The following ADGRL3 variants were observed in gnomAD, a reference collection of about 807,000 sequenced individuals.
ADGRL3 encodes adhesion G protein-coupled receptor L3.
In ADGRL3, 62 loss-of-function variants were observed where a neutral mutation model predicts 153.5. That is an observed-to-expected ratio of 0.40 (90% CI 0.33 to 0.50). The LOEUF is 0.50. ADGRL3 is among the 20% of genes least tolerant of loss of function. The probability of loss-of-function intolerance (pLI) is 0.47; values close to 1 mark genes in which losing one functional copy is unlikely to be tolerated. For missense variants in ADGRL3, 1,641 were observed against 1,859.4 expected, an observed-to-expected ratio of 0.88 and a Z score of 2.16; for synonymous variants, 710 against 672.5, an observed-to-expected ratio of 1.06 and a Z score of -0.86.
At chr4:61,587,508 G>A (rs2098951051) in intron 5 of ADGRL3, 68 bp downstream of exon 5, 1 of 1,150,872 alleles carries the variant, frequency 8.7e-7, no homozygotes, top group Admixed American at 2.1e-5. Context: ...TGTGTTACAT[G>A]TTAAGCATAA....
chr4:61,439,284 T>G (rs2606718), intron 2 of ADGRL3, among the ~76,000 whole-genome samples: 1 of 152,122 alleles, frequency 6.6e-6, no homozygotes, highest in Non-Finnish European at 1.5e-5. Context: ...GAAATTTTTA[T>G]AAGAGTAAAA....
chr4:61,283,342 C>T (rs2093798356), intron 1 of ADGRL3, among the ~76,000 whole-genome samples: 1 of 151,966 alleles, frequency 6.6e-6, no homozygotes, highest in African/African-American at 2.4e-5. Context: ...AACTTAGCAC[C>T]CACAAAAATT....
At chr4:61,883,064 C>T (rs1204886656) in intron 9 of ADGRL3, among the ~76,000 whole-genome samples, 2 of 152,058 alleles carry the variant, frequency 1.3e-5, no homozygotes, top group Non-Finnish European at 2.9e-5. Flanking sequence ...TGCAGTGAGC[C>T]GAGATTGTGC....
chr4:61,286,040 A>G (rs2093928531), intron 1 of ADGRL3, among the ~76,000 whole-genome samples: 1 of 151,424 alleles, frequency 6.6e-6, no homozygotes, highest in South Asian at 2.1e-4. Flanking sequence ...TCACTACAGA[A>G]AAGTGTTTCA....
chr4:61,922,410 C>T (rs979394936), intron 13 of ADGRL3, among the ~76,000 whole-genome samples: 2 of 152,114 alleles, frequency 1.3e-5, no homozygotes, highest in Non-Finnish European at 2.9e-5. Flanking sequence ...GAACAGCTTC[C>T]TCTATTGTTA....
intron 6 of ADGRL3, among the ~76,000 whole-genome samples, chr4:61,717,672 T>C (rs895594522): frequency 6.6e-6 from 1 of 152,222 alleles, no homozygotes; most frequent in African/African-American, 2.4e-5. Context: ...ATTATGCACT[T>C]ATTTAATTAT....
At chr4:62,009,260 T>C (rs2099173083) in intron 21 of ADGRL3, among the ~76,000 whole-genome samples, 1 of 152,152 alleles carries the variant, frequency 6.6e-6, no homozygotes, top group African/African-American at 2.4e-5. Context: ...TTTAAGAAAC[T>C]AAATAAATTA....
chr4:62,048,209 G>T (rs1732174621), intron 25 of ADGRL3, among the ~76,000 whole-genome samples: 1 of 151,606 alleles, frequency 6.6e-6, no homozygotes. Context: ...ATTTCTGCAG[G>T]TCAAATCTTA....
At chr4:62,062,118 C>T (rs1262306406) in intron 25 of ADGRL3, among the ~76,000 whole-genome samples, 1 of 151,922 alleles carries the variant, frequency 6.6e-6, no homozygotes, top group Non-Finnish European at 1.5e-5. Context: ...TTCTTGCCAT[C>T]GTTTAATGTT....
chr4:61,731,719 A>G (rs1338710708), intron 7 of ADGRL3, among the ~76,000 whole-genome samples: 1 of 152,140 alleles, frequency 6.6e-6, no homozygotes, highest in African/African-American at 2.4e-5. Flanking sequence ...TCTTACACAC[A>G]TGTGGCTAAG....
chr4:61,769,150 T>C (rs1281770789), intron 8 of ADGRL3, among the ~76,000 whole-genome samples: 2 of 151,968 alleles, frequency 1.3e-5, no homozygotes, highest in African/African-American at 4.8e-5. Flanking sequence ...GAAACGTGAG[T>C]GTATAATCAG....
chr4:61,275,293 C>T (rs2093406032), intron 1 of ADGRL3, among the ~76,000 whole-genome samples: 1 of 152,146 alleles, frequency 6.6e-6, no homozygotes, highest in Non-Finnish European at 1.5e-5. Flanking sequence ...CCTTTATCAA[C>T]TTAGAATGGT....
chr4:61,373,007 A>T (rs980956653), intron 1 of ADGRL3, among the ~76,000 whole-genome samples: 2 of 152,008 alleles, frequency 1.3e-5, no homozygotes, highest in Non-Finnish European at 2.9e-5. Context: ...GCGGTCGGTC[A>T]CCCCTTTCTT....
intron 6 of ADGRL3, among the ~76,000 whole-genome samples, chr4:61,719,901 C>T (rs940250559): frequency 6.6e-6 from 1 of 152,158 alleles, no homozygotes; most frequent in East Asian, 1.9e-4. Context: ...CCGCTCCCGC[C>T]CCCTGTCAGA....
At chr4:61,429,315 C>T (rs554433432) in intron 2 of ADGRL3, among the ~76,000 whole-genome samples, 16 of 152,216 alleles carry the variant, frequency 1.1e-4, no homozygotes, top group African/African-American at 3.4e-4. Context: ...GTTTTCATTG[C>T]ACCATGTTGC....
intron 5 of ADGRL3, among the ~76,000 whole-genome samples, chr4:61,628,935 T>C (rs898032098): frequency 1.3e-5 from 2 of 152,168 alleles, no homozygotes; most frequent in Admixed American, 6.5e-5. Context: ...TCTGTTTACA[T>C]AGCACCTATT....
rs1019942318 is a variant in ADGRL3 at position 61,499,864 on chromosome 4, A to C, written c.55+2516A>C. The stretch of plus-strand genomic sequence containing the variant: ...AGAAAGATTCCTTTTTCAGAACTAA[A>C]ATTCCTGGTCCCTAAAACTGACACA... On this transcript the variant is annotated intron_variant, in intron 3 of 26. Transcript: ENST00000683033. 2.6e-5 allele frequency among the ~76,000 whole-genome samples: 4 copies of C among 152,236 alleles called. No homozygotes were observed. In the East Asian group the frequency reaches 7.7e-4, roughly 29 times the overall value.
chr4:61,446,846 A>G (rs1290602985), intron 2 of ADGRL3, among the ~76,000 whole-genome samples: 5 of 152,184 alleles, frequency 3.3e-5, no homozygotes, highest in African/African-American at 4.8e-5. Context: ...CCTACTTGCT[A>G]TAGAAGAGTA....
chr4:61,220,746 A>G (rs1291638601), intron 1 of ADGRL3, among the ~76,000 whole-genome samples: 1 of 152,146 alleles, frequency 6.6e-6, no homozygotes, highest in African/African-American at 2.4e-5. Context: ...ATGTTACTTC[A>G]TGTATATCAA....
Sources: allele counts gnomAD v4.1 joint callset (sites outside exome capture counted in the v4.1 genomes callset), GRCh38; gene constraint gnomAD v4.1.1; transcripts MANE v1.5; gene names NCBI Gene and HGNC (gene_info 2026-07-23, HGNC 2026-07-21).